UBR3: variants seen among roughly 807,000 people sequenced by gnomAD.
UBR3 encodes the protein ubiquitin protein ligase E3 component n-recognin 3.
UBR3 carries 85 observed loss-of-function variants against 243.2 expected under a neutral mutation model. The observed-to-expected ratio is 0.35, with a 90% confidence interval of 0.29 to 0.42. The LOEUF (loss-of-function observed/expected upper bound fraction) is 0.42. Ranked by LOEUF, UBR3 falls within the 10% of genes least tolerant of loss-of-function variation. The pLI is 1.00. For missense variants in UBR3, 1,686 were observed against 2,300.8 expected (o/e 0.73, Z 5.47); for synonymous variants, 748 against 799.8 (o/e 0.94, Z 1.09).
At chr2:169,860,792 C>T (rs1470229473) in intron 1 of UBR3, among the ~76,000 whole-genome samples, 2 of 152,112 alleles carry the variant, frequency 1.3e-5, no homozygotes, top group East Asian at 1.9e-4. Context: ...AGAATTGACT[C>T]ACACAATCAC....
intron 4 of UBR3, among the ~76,000 whole-genome samples, chr2:169,877,891 A>T (rs189118673): frequency 1.3e-5 from 2 of 152,228 alleles, no homozygotes; most frequent in Non-Finnish European, 2.9e-5. Context: ...AAAAATGTAC[A>T]GTTGCTATTC....
intron 23 of UBR3, among the ~76,000 whole-genome samples, chr2:169,954,932 A>G (rs762389191): frequency 1.3e-5 from 2 of 152,136 alleles, no homozygotes; most frequent in Non-Finnish European, 2.9e-5. Context: ...TTTAGTTGTC[A>G]TGCCTCTTTG....
At chr2:169,991,381 T>C (rs978649440) in intron 25 of UBR3, among the ~76,000 whole-genome samples, 2 of 152,156 alleles carry the variant, frequency 1.3e-5, no homozygotes, top group Non-Finnish European at 2.9e-5. Flanking sequence ...GTGGAATATA[T>C]ATTTTTCTCA....
chr2:170,029,297 T>G, intron 30 of UBR3, 49 bp from the exon 31 acceptor site: 1 of 1,457,058 alleles, frequency 6.9e-7, no homozygotes, highest in Non-Finnish European at 9.3e-7. Context: ...AATTTTGTTC[T>G]GTAACAAATG....
chr2:169,833,029 C>T (rs1325557601), intron 1 of UBR3, among the ~76,000 whole-genome samples: 1 of 152,104 alleles, frequency 6.6e-6, no homozygotes, highest in African/African-American at 2.4e-5. Flanking sequence ...ATATGGTATA[C>T]ATAGGAGACT....
chr2:169,957,246 T>C (rs1382587593), intron 23 of UBR3, among the ~76,000 whole-genome samples: 2 of 150,412 alleles, frequency 1.3e-5, no homozygotes, highest in South Asian at 2.1e-4. Flanking sequence ...CCTATTCTTA[T>C]GTTATGGTAA....
chr2:169,922,453 A>G (rs1447034412), intron 11 of UBR3, among the ~76,000 whole-genome samples: 4 of 151,822 alleles, frequency 2.6e-5, no homozygotes, highest in African/African-American at 9.7e-5. Context: ...TTGTGGTAAA[A>G]TACACAGAAA....
At chr2:169,990,213 G>A (rs908652347) in intron 25 of UBR3, among the ~76,000 whole-genome samples, 2 of 151,940 alleles carry the variant, frequency 1.3e-5, no homozygotes, top group African/African-American at 4.8e-5. Context: ...CTTTTGATTA[G>A]GAACCCTTCA....
chr2:169,848,118 A>G (rs575543416), intron 1 of UBR3, among the ~76,000 whole-genome samples: 1 of 152,288 alleles, frequency 6.6e-6, no homozygotes, highest in Non-Finnish European at 1.5e-5. Context: ...ACATATCATC[A>G]CGTCACTTGC....
Position 169,828,023 on chromosome 2 carries a change from C to T in UBR3, c.516C>T (p.Cys172=). Residue 172 remains cysteine (C), a synonymous_variant, in exon 1 of 39, where the codon TGC becomes TGT. Coordinates refer to ENST00000272793, the MANE Select transcript of UBR3 (RefSeq NM_172070.4). ...GCCAGGCCGGGGGCGCCTGCGACTG[C>T]GGGGACAGCAACGTGATGCGGGAGA... ...FRSQAGGACD[C]GDSNVMRESG... is the part of the protein sequence containing the mutation. 2 of 1,400,958 alleles carry T rather than the reference C, an allele frequency of 1.4e-6. No individual in the cohort carries two copies. The highest frequency in any genetic ancestry group is 1.5e-5 in the South Asian group (1 of 67,902). The allele number at this position is 1,400,958 out of a possible 1,614,324, so 86.8% of individuals were successfully genotyped here. A position where few individuals can be genotyped will look rare whatever the true frequency, so the allele number is the denominator to read the frequency against.
intron 1 of UBR3, among the ~76,000 whole-genome samples, chr2:169,869,490 T>C (rs183992721): frequency 1.7e-3 from 258 of 152,132 alleles, no homozygotes; most frequent in African/African-American, 6.1e-3. Flanking sequence ...TCCTAAAGTG[T>C]TGGGATTAAG....
At chr2:169,961,339 A>ATATATACCAATTCAAG (rs1364518029) in intron 24 of UBR3, among the ~76,000 whole-genome samples, 3 of 151,634 alleles carry the variant, frequency 2.0e-5, no homozygotes, top group Non-Finnish European at 2.9e-5. Context: ...CAATTCAAGT[A>ATATATACCAATTCAAG]TATATATACA....
intron 29 of UBR3, among the ~76,000 whole-genome samples, chr2:170,012,564 TATAAA>T (rs954298415): frequency 9.9e-5 from 15 of 152,110 alleles, no homozygotes; most frequent in Admixed American, 5.2e-4. Context: ...CAAATTGAAA[TATAAA>T]ATATGTGTAA....
rs1388688716 is a variant in UBR3, at chr2:169,892,886, A to G, written c.1105+1655A>G. On this transcript the variant is annotated intron_variant, in intron 6 of 38. Transcript: ENST00000272793. ...CTTTAACTATATGGCCAAGATTCCA[A>G]GATTATTGAGCTAGTGAGTTGCAGA... 5.9e-5 allele frequency among the ~76,000 whole-genome samples: 9 copies of G among 152,236 alleles called. No individual in the cohort carries two copies. In the East Asian group the frequency reaches 1.7e-3, roughly 29 times the overall value.
chr2:169,922,654 G>A (rs996638758), intron 11 of UBR3, among the ~76,000 whole-genome samples: 8 of 151,984 alleles, frequency 5.3e-5, no homozygotes, highest in Admixed American at 5.2e-4. Context: ...GTATCTCTAC[G>A]AATTTGGCTG....
intron 1 of UBR3, among the ~76,000 whole-genome samples, chr2:169,863,902 C>A (rs1458784004): frequency 6.6e-6 from 1 of 152,170 alleles, no homozygotes; most frequent in Admixed American, 6.5e-5. Flanking sequence ...TCCTCCAGAG[C>A]TTTGCATGCC....
chr2:170,059,481 T>C (rs2091413260), intron 33 of UBR3, among the ~76,000 whole-genome samples: 1 of 152,194 alleles, frequency 6.6e-6, no homozygotes, highest in Non-Finnish European at 1.5e-5. Flanking sequence ...TACAAATCTA[T>C]GGTAGTGTTT....
intron 20 of UBR3, among the ~76,000 whole-genome samples, chr2:169,945,724 A>G (rs73015794): frequency 0.043 from 6,484 of 152,258 alleles, 157 homozygotes; most frequent in Middle Eastern, 0.068. Context: ...GGTAGCCCAG[A>G]AATCCTGTGT....
At chr2:169,912,642 G>A (rs2085298641) in intron 10 of UBR3, among the ~76,000 whole-genome samples, 1 of 152,018 alleles carries the variant, frequency 6.6e-6, no homozygotes. Context: ...CTTTTTGGCT[G>A]CTATGAATAA....
Sources: gnomAD v4.1 joint callset for allele counts (sites outside exome capture counted in the v4.1 genomes callset) on GRCh38, gnomAD v4.1.1 for gene constraint, MANE v1.5 for transcripts, NCBI Gene and HGNC (gene_info 2026-07-23, HGNC 2026-07-21) for gene names.